The following CENPT variants were observed in gnomAD, a reference collection of about 807,000 sequenced individuals.
CENPT encodes interphase centromere complex protein 22.
In CENPT, 42 loss-of-function variants were observed where a neutral mutation model predicts 59.7. That is an observed-to-expected ratio of 0.70 (90% CI 0.55 to 0.91). The LOEUF (loss-of-function observed/expected upper bound fraction) is 0.91. CENPT is among the 40% of genes least tolerant of loss of function. The pLI is 0.00. For synonymous variants in CENPT, 295 were observed against 289.6 expected (o/e 1.02, Z -0.19); for missense variants, 716 against 713.4 (o/e 1.00, Z -0.04).
intron 3 of CENPT, 54 bp from the exon 4 acceptor site, chr16:67,834,154 G>A (rs904917768): frequency 3.0e-6 from 1 of 333,600 alleles, no homozygotes; most frequent in Non-Finnish European, 5.5e-6. Flanking sequence ...GATTCAAGGA[G>A]TTGATGTTTA....
At chr16:67,836,010 T>C (rs1341514606) in intron 1 of CENPT, among the ~76,000 whole-genome samples, 1 of 152,068 alleles carries the variant, frequency 6.6e-6, no homozygotes, top group Non-Finnish European at 1.5e-5. Context: ...CCCAAAGTGC[T>C]GGGATTACAG....
chr16:67,830,665 T>C, intron 10 of CENPT, 117 bp from the exon 11 acceptor site: 1 of 1,006,686 alleles, frequency 9.9e-7, no homozygotes. Flanking sequence ...GCCTGGACAG[T>C]GGGCTGCATG....
At position 67,828,240 on chromosome 16, in the gene CENPT, G is replaced by A. The variant is rs376112052; in HGVS notation, c.*27C>T. 4.5e-6 allele frequency: 7 copies of A among 1,555,426 alleles called. No homozygotes were observed. Among genetic ancestry groups the A allele is most frequent in the Non-Finnish European group, 5.2e-6 (6 of 1,149,832 alleles). On this transcript the variant is annotated 3_prime_UTR_variant, in exon 16 of 16. Transcript: ENST00000562787. ...GTGGGGGCAAGAGTCCCCAGGTGGG[G>A]ACAGGGAAAGTGTTGAAGCCTGGCC...
rs2057691573 is a variant in CENPT, at chr16:67,831,771, C to T, written c.506G>A (p.Gly169Glu). The change falls in exon 8 of 16, where the codon GGG (glycine) becomes GAG (glutamate). Residue 169 changes from glycine to glutamate, a missense_variant. Gly to Glu is a moderately conservative substitution (Grantham distance 98). Coordinates refer to ENST00000562787, the MANE Select transcript of CENPT (RefSeq NM_025082.4). Reference protein sequence around the residue: ...LSVFQQGVDQGLSLSQEPQGN... With the variant: ...LSVFQQGVDQELSLSQEPQGN... The stretch of plus-strand genomic sequence containing the variant: ...GGCCTCACCTTGGGAGAGAGACAGC[C>T]CCTGGTCCACTCCCTGCTGAAACAC... 2 of 1,582,626 alleles carry T rather than the reference C, an allele frequency of 1.3e-6. No homozygotes were observed. Among genetic ancestry groups the T allele is most frequent in the South Asian group, 1.2e-5 (1 of 85,432 alleles).
At chr16:67,829,629 C>A in intron 12 of CENPT, 113 bp from the exon 13 acceptor site, 1 of 1,315,122 alleles carries the variant, frequency 7.6e-7, no homozygotes, top group Non-Finnish European at 1.1e-6. Flanking sequence ...TAGCTCCAGC[C>A]AAGCAGGTGC....
At chr16:67,832,165 G>T in intron 6 of CENPT, 57 bp from the exon 7 acceptor site, 2 of 1,608,624 alleles carry the variant, frequency 1.2e-6, no homozygotes. Context: ...CTGAATAAAA[G>T]ATACCACAAG....
At chr16:67,847,378 C>T (rs1325087813) in intron 1 of CENPT, 23 bp downstream of exon 1, 1 of 152,438 alleles carries the variant, frequency 6.6e-6, no homozygotes, top group Non-Finnish European at 1.5e-5. Context: ...GGGCAGACCC[C>T]AGCCCCACGT....
chr16:67,829,673 A>G, intron 12 of CENPT, 92 bp downstream of exon 12: 1 of 1,422,124 alleles, frequency 7.0e-7, no homozygotes, highest in Non-Finnish European at 9.7e-7. Flanking sequence ...TACCACCACC[A>G]GTGCCCGGAA....
At position 67,831,241 on chromosome 16, in the gene CENPT, C is replaced by A. The variant is rs764546512; in HGVS notation, c.678G>T (p.Leu226=). The change falls in exon 10 of 16, where the codon CTG becomes CTT. Residue 226 remains leucine (L), a synonymous_variant. Coordinates refer to ENST00000562787, the MANE Select transcript of CENPT (RefSeq NM_025082.4). ...AVDVGAFLRD[L]RDTSLAPPNI... ...TTGGAGGAGCCAGGGAAGTATCTCG[C>A]AGATCCCGCAAAAAGGCACCCACGT... The A allele has an allele frequency of 6.2e-7, 1 of 1,613,998 alleles. No individual in the cohort carries two copies. Among genetic ancestry groups the A allele is most frequent in the Non-Finnish European group, 8.5e-7 (1 of 1,180,022 alleles).
rs776350914 is a variant in CENPT, at chr16:67,829,422, C to T, written c.1280+1G>A. 4.4e-6 allele frequency: 7 copies of T among 1,586,888 alleles called. No individual in the cohort carries two copies. The highest frequency in any genetic ancestry group is 1.4e-5 in the African/African-American group (1 of 73,048). On this transcript the variant is annotated splice_donor_variant, in intron 13 of 15. Transcript: ENST00000562787. LOFTEE classifies it high-confidence loss of function. ...TGAGGAATGGGGTTGTGGGATCTTACACTGCAGCACCAGGCGCTGGGGCTG... is the reference window on the plus strand; with the variant it reads ...TGAGGAATGGGGTTGTGGGATCTTATACTGCAGCACCAGGCGCTGGGGCTG...
In CENPT at chr16:67,843,462, T is replaced by G; in HGVS notation, c.-492+3939A>C. 1 of 1,613,266 alleles carries G rather than the reference T, an allele frequency of 6.2e-7. No individual in the cohort carries two copies. The highest frequency in any genetic ancestry group is 1.3e-5 in the African/African-American group (1 of 75,058). On this transcript the variant is annotated intron_variant, in intron 1 of 15. Coordinates refer to ENST00000562787, the MANE Select transcript of CENPT (RefSeq NM_025082.4). This position sits in a 1 kb window ranked among gnomAD's most constrained non-coding sequence, Gnocchi z 5.7. ...GAACTGCGTGAGAAGGATCGGCTGC[T>G]TGCCATGGCTGTCATCCGCAAGAAG... is the stretch of plus-strand genomic sequence containing the variant.
At chr16:67,845,915 T>G (rs763945124) in intron 1 of CENPT, among the ~76,000 whole-genome samples, 1 of 152,128 alleles carries the variant, frequency 6.6e-6, no homozygotes, top group Non-Finnish European at 1.5e-5. Flanking sequence ...TGGGGGAAGG[T>G]GCAAAACTCT....
intron 1 of CENPT, among the ~76,000 whole-genome samples, chr16:67,839,603 T>C (rs1029397987): frequency 2.0e-5 from 3 of 152,006 alleles, no homozygotes; most frequent in African/African-American, 7.3e-5. Context: ...CTGGGCACGG[T>C]AGCTCACACC....
Position 67,831,255 on chromosome 16 carries a change from A to G in CENPT, c.664T>C (p.Phe222Leu), listed in dbSNP as rs377663014. Residue 222 changes from phenylalanine to leucine, a missense_variant, in exon 10 of 16, where the codon TTT becomes CTT. Phe to Leu is a conservative substitution (Grantham distance 22). Transcript: ENST00000562787. ...PARRAVDVGA[F>L]LRDLRDTSLA... ...GAAGTATCTCGCAGATCCCGCAAAA[A>G]GGCACCCACGTCTACAGCTCGGCGG... The G allele has an allele frequency of 2.3e-5, 37 of 1,614,112 alleles. No individual in the cohort carries two copies. The African/African-American group carries it at 3.7e-4, about 16-fold the overall frequency.
rs775564096 is a variant in CENPT at position 67,828,284 on chromosome 16, C to CA, written c.1668dup (p.Val557CysfsTer41). On this transcript the variant is annotated frameshift_variant, in exon 16 of 16. Coordinates refer to ENST00000562787, the MANE Select transcript of CENPT (RefSeq NM_025082.4). LOFTEE classifies it high-confidence loss of function. Reference sequence around the variant, plus strand: ...CCTGGCCACTACTGGGCAGGGAAGACAGAGTTGCCACTGTATGCACAGGGG... The same window carrying CA: ...CCTGGCCACTACTGGGCAGGGAAGACAAGAGTTGCCACTGTATGCACAGGGG... The CA allele has an allele frequency of 3.8e-6, 6 of 1,598,470 alleles. No individual in the cohort carries two copies. Among genetic ancestry groups the CA allele is most frequent in the East Asian group, 2.2e-5 (1 of 44,502 alleles).
In CENPT at chr16:67,828,803, G is replaced by C. The variant is rs188159138; in HGVS notation, c.1321C>G (p.Pro441Ala). The change falls in exon 14 of 16, where the codon CCC becomes GCC. Residue 441 changes from proline (P) to alanine (A), a missense_variant. Transcript: ENST00000562787. ...GGGCCGGTGGTCCGGGGCCTAGGGG[G>C]ATGCCTGACCAACAGAGGCTCTGCA... is the stretch of plus-strand genomic sequence containing the variant. ...EPAEPLLVRH[P>A]PRPRTTGPRP... The C allele has an allele frequency of 5.1e-4, 814 of 1,596,282 alleles. 8 individuals carry two copies. In the East Asian group the frequency reaches 0.016, roughly 32 times the overall value.
In CENPT at chr16:67,832,551, T is replaced by C; in HGVS notation, c.111-6A>G. 1.9e-6 allele frequency: 3 copies of C among 1,612,322 alleles called. No individual in the cohort carries two copies. The highest frequency in any genetic ancestry group is 2.2e-5 in the South Asian group (2 of 91,026). The stretch of plus-strand genomic sequence containing the variant: ...CAAGCAGGGCTCTCCGGGCTCTGTG[T>C]AAAGACCAGCAATTATGCCGAGAAT... On this transcript the variant is annotated splice_polypyrimidine_tract_variant and splice_region_variant and intron_variant, in intron 4 of 15. Transcript: ENST00000562787.
At chr16:67,836,898 C>T (rs1466571060) in intron 1 of CENPT, among the ~76,000 whole-genome samples, 11 of 152,118 alleles carry the variant, frequency 7.2e-5, no homozygotes, top group Non-Finnish European at 1.2e-4. Flanking sequence ...CCCACTACCA[C>T]GCCCGGCTAA....
intron 6 of CENPT, 35 bp from the exon 7 acceptor site, chr16:67,832,143 G>A: frequency 6.2e-7 from 1 of 1,608,526 alleles, no homozygotes; most frequent in Non-Finnish European, 8.5e-7. Flanking sequence ...GGGGCTGACA[G>A]AACAGGCCAC....
Sources: gnomAD v4.1 joint callset for allele counts (sites outside exome capture counted in the v4.1 genomes callset) on GRCh38, gnomAD v4.1.1 for gene constraint, Gnocchi (gnomAD v3.1) non-coding constraint, MANE v1.5 for transcripts, NCBI Gene and HGNC (gene_info 2026-07-23, HGNC 2026-07-21) for gene names.